The following DAAM2 variants were observed in gnomAD, a reference collection of about 807,000 sequenced individuals.
The protein encoded by DAAM2 is disheveled-associated activator of morphogenesis 2.
A neutral mutation model predicts 120.7 loss-of-function variants in DAAM2; 39 were observed. That is an observed-to-expected ratio of 0.32 (90% CI 0.25 to 0.42). DAAM2 has a LOEUF of 0.42. Among genes scored for constraint, DAAM2 ranks in the 10% least tolerant of loss-of-function variants. DAAM2 has a pLI of 1.00. For synonymous variants in DAAM2, 488 were observed against 524.9 expected, an observed-to-expected ratio of 0.93 and a Z score of 0.96; for missense variants, 1,283 against 1,401.7, an observed-to-expected ratio of 0.92 and a Z score of 1.35.
Position 39,794,726 on chromosome 6 carries a change from C to G in DAAM2, c.-57+2261C>G, listed in dbSNP as rs181983833. On this transcript the variant is annotated intron_variant, in intron 1 of 24. Transcript: ENST00000274867. The stretch of plus-strand genomic sequence containing the variant: ...TCCCCATTACTAAAGAGCCTTGGAT[C>G]CAGGTGTAAAGAATGAAGATAAAGG... Among the ~76,000 whole-genome samples the G allele has an allele frequency of 3.3e-5, 5 of 152,156 alleles. No homozygotes were observed. The East Asian group carries it at 9.7e-4, about 29-fold the overall frequency.
intron 6 of DAAM2, 103 bp from the exon 7 acceptor site, chr6:39,868,720 T>TG: frequency 1.3e-6 from 1 of 793,322 alleles, no homozygotes; most frequent in Admixed American, 2.1e-5. Flanking sequence ...AGAGAGCAGA[T>TG]GGGGCATTCT....
chr6:39,861,646 G>C (rs1382829772), intron 3 of DAAM2: 1 of 164,642 alleles, frequency 6.1e-6, no homozygotes, highest in Non-Finnish European at 1.4e-5. Context: ...TCTTCAGCTT[G>C]CCTCTGTCTC....
At chr6:39,830,785 C>G (rs1762853125) in intron 1 of DAAM2, among the ~76,000 whole-genome samples, 1 of 152,208 alleles carries the variant, frequency 6.6e-6, no homozygotes, top group African/African-American at 2.4e-5. Flanking sequence ...CAGGGCAGCT[C>G]TGCAGGCACA....
In DAAM2 at chr6:39,808,156, G is replaced by A. The variant is rs369821636; in HGVS notation, c.-57+15691G>A. Among the ~76,000 whole-genome samples the A allele has an allele frequency of 6.6e-5, 10 of 151,404 alleles. No individual in the cohort carries two copies. The South Asian group carries it at 2.1e-3, about 32-fold the overall frequency. The stretch of plus-strand genomic sequence containing the variant: ...GGTGGAGATGCCAAATAGGGTCGTA[G>A]TAGTATAGGTTGGTCCAAAAATTAT... On this transcript the variant is annotated intron_variant, in intron 1 of 24. Transcript: ENST00000274867.
intron 1 of DAAM2, among the ~76,000 whole-genome samples, chr6:39,800,704 A>T (rs1761836536): frequency 6.6e-6 from 1 of 152,128 alleles, no homozygotes; most frequent in Non-Finnish European, 1.5e-5. Context: ...CCCTGAAACC[A>T]ATGATGGTGG....
Position 39,873,264 on chromosome 6 carries a change from C to T in DAAM2, c.1071C>T (p.Ser357=). 1 of 1,613,130 alleles carries T rather than the reference C, an allele frequency of 6.2e-7. No homozygotes were observed. The highest frequency in any genetic ancestry group is 1.1e-5 in the South Asian group (1 of 90,716). Residue 357 remains serine (S), a synonymous_variant, in exon 10 of 25, where the codon TCC becomes TCT. Transcript: ENST00000274867. The stretch of plus-strand genomic sequence containing the variant: ...TCCACATCGACACCAAGAGTGCTTC[C>T]CAGATGTTTGAGTTGATCCACAAGA... ...DMVHIDTKSA[S]QMFELIHKKL...
intron 1 of DAAM2, among the ~76,000 whole-genome samples, chr6:39,825,249 G>A (rs1376130778): frequency 6.6e-6 from 1 of 151,992 alleles, no homozygotes; most frequent in Admixed American, 6.6e-5. Flanking sequence ...AATTAGCCAG[G>A]CATGGTGGTG....
In DAAM2 at chr6:39,902,286, A is replaced by G. The variant is rs1167720878; in HGVS notation, c.*249A>G. The stretch of plus-strand genomic sequence containing the variant: ...AGGTATTATTCTGAGGCTGCCTTGG[A>G]TGGCCTCAGGCCAGGTAACCCCAGG... On this transcript the variant is annotated 3_prime_UTR_variant, in exon 25 of 25. Coordinates refer to ENST00000274867, the MANE Select transcript of DAAM2 (RefSeq NM_001201427.2). 2.5e-6 allele frequency: 1 copy of G among 397,516 alleles called. No homozygotes were observed. The highest frequency in any genetic ancestry group is 4.5e-6 in the Non-Finnish European group (1 of 223,510). The allele number at this position is 397,516 out of a possible 1,614,324, so 24.6% of individuals were successfully genotyped here.
intron 15 of DAAM2, chr6:39,886,763 T>C: frequency 3.3e-6 from 1 of 298,558 alleles, no homozygotes; most frequent in Admixed American, 5.1e-5. Flanking sequence ...ACGACACAAT[T>C]CACAAAGATA....
intron 1 of DAAM2, among the ~76,000 whole-genome samples, chr6:39,801,766 C>T (rs1190190677): frequency 2.6e-5 from 4 of 152,192 alleles, no homozygotes; most frequent in African/African-American, 7.2e-5. Context: ...CGCCAGACTC[C>T]GGGATCCAGA....
In DAAM2 at chr6:39,901,906, C is replaced by T; in HGVS notation, c.3076C>T (p.Leu1026=). The change falls in exon 25 of 25, where the codon CTG becomes TTG. Residue 1026 remains leucine, a synonymous_variant. Transcript: ENST00000274867. This position sits in a 1 kb window ranked among gnomAD's most constrained non-coding sequence, Gnocchi z 4.5. The stretch of plus-strand genomic sequence containing the variant: ...GGAGGAGGGAGGAGAGTTCGATGAC[C>T]TGGTGTCGGCCCTGCGCTCTGGGGA... ...SLEEGGEFDD[L]VSALRSGEVF... 1 of 1,606,678 alleles carries T rather than the reference C, an allele frequency of 6.2e-7. No individual in the cohort carries two copies. The highest frequency in any genetic ancestry group is 1.1e-5 in the South Asian group (1 of 90,696).
At chr6:39,812,349 A>T (rs1167809553) in intron 1 of DAAM2, among the ~76,000 whole-genome samples, 1 of 152,224 alleles carries the variant, frequency 6.6e-6, no homozygotes, top group Non-Finnish European at 1.5e-5. Context: ...CAAAGTGGGT[A>T]TTATCCCATT....
chr6:39,817,921 G>T (rs1197690343), intron 1 of DAAM2, among the ~76,000 whole-genome samples: 1 of 152,188 alleles, frequency 6.6e-6, no homozygotes, highest in Non-Finnish European at 1.5e-5. Context: ...GCTCACGCCT[G>T]TAATCCCAGC....
rs542326757 is a variant in DAAM2 at position 39,811,693 on chromosome 6, T to C, written c.-57+19228T>C. Among the ~76,000 whole-genome samples the C allele has an allele frequency of 2.0e-5, 3 of 152,328 alleles. No individual in the cohort carries two copies. In the East Asian group the frequency reaches 5.8e-4, roughly 29 times the overall value. On this transcript the variant is annotated intron_variant, in intron 1 of 24. Transcript: ENST00000274867. ...AAGTCTTTTATGTCTGGGTTTGGCC[T>C]TCTCTGTTAGGCTGAGAACACCCTG...
intron 3 of DAAM2, among the ~76,000 whole-genome samples, chr6:39,863,668 G>A (rs936841390): frequency 6.6e-6 from 1 of 152,176 alleles, no homozygotes; most frequent in African/African-American, 2.4e-5. Context: ...GGCTGGAGAA[G>A]GCTGGATTTT....
chr6:39,837,678 A>G (rs1336155758), intron 1 of DAAM2, among the ~76,000 whole-genome samples: 1 of 151,222 alleles, frequency 6.6e-6, no homozygotes, highest in Admixed American at 6.6e-5. Context: ...AAAAAAAAAA[A>G]AAAAAAAAGA....
In DAAM2 at chr6:39,870,444, G is replaced by A; in HGVS notation, c.977+1G>A. 6.4e-7 allele frequency: 1 copy of A among 1,559,458 alleles called. No individual in the cohort carries two copies. The highest frequency in any genetic ancestry group is 1.2e-5 in the South Asian group (1 of 84,968). Reference sequence around the variant, plus strand: ...AACATGAAAATGCCATCCTGGACAAGTAAGTTCCAAGCACCCGTCTCCATT... The same window carrying A: ...AACATGAAAATGCCATCCTGGACAAATAAGTTCCAAGCACCCGTCTCCATT... On this transcript the variant is annotated splice_donor_variant, in intron 8 of 24. Transcript: ENST00000274867. LOFTEE classifies it high-confidence loss of function.
At chr6:39,891,070 T>C (rs1456130252) in intron 17 of DAAM2, among the ~76,000 whole-genome samples, 2 of 149,798 alleles carry the variant, frequency 1.3e-5, no homozygotes, top group Non-Finnish European at 3.0e-5. Context: ...TCTAGCCTGA[T>C]TGACAGAGTG....
chr6:39,814,596 C>T (rs567469627), intron 1 of DAAM2, among the ~76,000 whole-genome samples: 21 of 152,370 alleles, frequency 1.4e-4, no homozygotes, highest in African/African-American at 4.1e-4. Context: ...AATTCAAACG[C>T]GTTCATCTTT....
Sources: allele counts gnomAD v4.1 joint callset (sites outside exome capture counted in the v4.1 genomes callset), GRCh38; gene constraint gnomAD v4.1.1; non-coding constraint Gnocchi (gnomAD v3.1); transcripts MANE v1.5; gene names NCBI Gene and HGNC (gene_info 2026-07-23, HGNC 2026-07-21).